WIF1: variants seen among roughly 807,000 people sequenced by gnomAD.
WIF1 encodes the protein Wnt inhibitory factor 1.
A neutral mutation model predicts 53.5 loss-of-function variants in WIF1; 35 were observed. The ratio of observed to expected loss-of-function variants is 0.65; its 90% CI spans 0.50 to 0.87. The LOEUF (loss-of-function observed/expected upper bound fraction) is 0.87. WIF1 is among the 40% of genes least tolerant of loss of function. The pLI is 0.00. For missense variants in WIF1, 467 were observed against 476.8 expected (o/e 0.98, Z 0.19); for synonymous variants, 171 against 170.4 (o/e 1.00, Z -0.03).
chr12:65,100,369 A>G (rs918101854), intron 2 of WIF1, among the ~76,000 whole-genome samples: 1 of 152,178 alleles, frequency 6.6e-6, no homozygotes, highest in South Asian at 2.1e-4. Context: ...TAAAATTCCC[A>G]CTGAGAAAAA....
At chr12:65,065,370 T>A (rs905938776) in intron 6 of WIF1, among the ~76,000 whole-genome samples, 9 of 152,118 alleles carry the variant, frequency 5.9e-5, no homozygotes, top group African/African-American at 1.7e-4. Flanking sequence ...CAGTGCAGGA[T>A]ATGAATTTGG....
intron 6 of WIF1, among the ~76,000 whole-genome samples, chr12:65,063,792 C>T (rs1882648658): frequency 6.6e-6 from 1 of 151,382 alleles, no homozygotes; most frequent in East Asian, 2.0e-4. Flanking sequence ...TAGCTCACTG[C>T]AACCTTAAAT....
At chr12:65,069,342 A>G (rs1882737522) in intron 3 of WIF1, among the ~76,000 whole-genome samples, 1 of 152,178 alleles carries the variant, frequency 6.6e-6, no homozygotes, top group South Asian at 2.1e-4. Flanking sequence ...CAGCCTCCAT[A>G]TAATCCAAAA....
chr12:65,098,088 C>T (rs1345166796), intron 2 of WIF1, among the ~76,000 whole-genome samples: 3 of 152,156 alleles, frequency 2.0e-5, no homozygotes, highest in Admixed American at 2.0e-4. Flanking sequence ...TAATGTCTTT[C>T]CTGCTCCATA....
intron 6 of WIF1, among the ~76,000 whole-genome samples, chr12:65,063,834 C>T (rs1427842520): frequency 6.6e-6 from 1 of 152,054 alleles, no homozygotes; most frequent in East Asian, 1.9e-4. Context: ...CTGCCTCAGC[C>T]TCCCAGATGG....
intron 9 of WIF1, 54 bp downstream of exon 9, chr12:65,055,064 C>G: frequency 6.3e-7 from 1 of 1,585,002 alleles, no homozygotes; most frequent in Non-Finnish European, 8.6e-7. Context: ...GTCTCCCACT[C>G]ACTTTTATTT....
chr12:65,120,579 G>C, intron 1 of WIF1, 23 bp from the exon 2 acceptor site: 1 of 1,598,220 alleles, frequency 6.3e-7, no homozygotes, highest in Non-Finnish European at 8.5e-7. Context: ...ATAATAAAAC[G>C]ATCAAACCAG....
intron 3 of WIF1, among the ~76,000 whole-genome samples, chr12:65,071,231 CAAAAAAAAAA>C (rs67928556): frequency 4.2e-5 from 3 of 71,180 alleles, no homozygotes; most frequent in East Asian, 8.8e-4. Context: ...AAGACTCCAT[CAAAAAAAAAA>C]AAAAAAAAAA....
At chr12:65,051,686 C>G (rs1022816039) in intron 9 of WIF1, among the ~76,000 whole-genome samples, 30 of 152,116 alleles carry the variant, frequency 2.0e-4, no homozygotes, top group African/African-American at 6.8e-4. Flanking sequence ...TTTCTCATTC[C>G]CTATATATTC....
intron 2 of WIF1, among the ~76,000 whole-genome samples, chr12:65,081,669 A>T (rs1001747005): frequency 2.6e-5 from 4 of 152,144 alleles, no homozygotes; most frequent in African/African-American, 9.7e-5. Flanking sequence ...TCTTTCTTGG[A>T]TCTTATCAGC....
At chr12:65,088,329 C>T (rs1883072687) in intron 2 of WIF1, among the ~76,000 whole-genome samples, 1 of 152,164 alleles carries the variant, frequency 6.6e-6, no homozygotes, top group Non-Finnish European at 1.5e-5. Context: ...TACGAATCCT[C>T]TCAACATCCC....
At chr12:65,068,229 C>T (rs2136615637) in intron 4 of WIF1, among the ~76,000 whole-genome samples, 1 of 152,162 alleles carries the variant, frequency 6.6e-6, no homozygotes, top group Non-Finnish European at 1.5e-5. Context: ...AGGAGCCAGG[C>T]CTTTATAGTT....
intron 2 of WIF1, among the ~76,000 whole-genome samples, chr12:65,091,317 A>G (rs1416557571): frequency 6.7e-6 from 1 of 148,166 alleles, no homozygotes; most frequent in Non-Finnish European, 1.5e-5. Context: ...CAAGTATTTT[A>G]TATATTATAT....
chr12:65,104,688 CTCTATTTTCT>C (rs1385187936), intron 2 of WIF1, among the ~76,000 whole-genome samples: 2 of 152,130 alleles, frequency 1.3e-5, no homozygotes, highest in Non-Finnish European at 2.9e-5. Context: ...AGACATTTTC[CTCTATTTTCT>C]TCTTCTACTC....
chr12:65,092,238 G>T (rs1592398263), intron 2 of WIF1, among the ~76,000 whole-genome samples: 1 of 150,716 alleles, frequency 6.6e-6, no homozygotes, highest in Admixed American at 6.6e-5. Flanking sequence ...TGAACAGCAA[G>T]AACACACGGA....
At chr12:65,117,979 T>C (rs1883538112) in intron 2 of WIF1, among the ~76,000 whole-genome samples, 1 of 152,230 alleles carries the variant, frequency 6.6e-6, no homozygotes, top group Non-Finnish European at 1.5e-5. Context: ...AGCACTGGTC[T>C]GTGGCCCAGA....
intron 2 of WIF1, among the ~76,000 whole-genome samples, chr12:65,111,123 C>G (rs1883423844): frequency 6.6e-6 from 1 of 152,196 alleles, no homozygotes; most frequent in Non-Finnish European, 1.5e-5. Context: ...TGAAGCAGAG[C>G]AGAGAAAATG....
At chr12:65,102,981 T>A (rs940294141) in intron 2 of WIF1, among the ~76,000 whole-genome samples, 10 of 152,218 alleles carry the variant, frequency 6.6e-5, no homozygotes, top group Admixed American at 5.2e-4. Context: ...GGTAAGTATT[T>A]CTATGTTTAC....
chr12:65,091,168 C>G (rs1207986592), intron 2 of WIF1, among the ~76,000 whole-genome samples: 4 of 151,630 alleles, frequency 2.6e-5, no homozygotes, highest in African/African-American at 9.7e-5. Flanking sequence ...AACTACACCA[C>G]AAAGATGTAA....
Sources: allele counts gnomAD v4.1 joint callset (sites outside exome capture counted in the v4.1 genomes callset), GRCh38; gene constraint gnomAD v4.1.1; transcripts MANE v1.5; gene names NCBI Gene and HGNC (gene_info 2026-07-23, HGNC 2026-07-21).